The following IQSEC1 variants were observed in gnomAD, a reference collection of about 807,000 sequenced individuals.
IQSEC1 encodes IQ motif and SEC7 domain-containing protein 1.
IQSEC1 carries 31 observed loss-of-function variants against 91.0 expected under a neutral mutation model. The observed-to-expected ratio is 0.34, with a 90% confidence interval of 0.26 to 0.46. The LOEUF (loss-of-function observed/expected upper bound fraction) is 0.46, where lower values mean the gene tolerates loss of function less well. Among genes scored for constraint, IQSEC1 ranks in the 20% least tolerant of loss-of-function variants. IQSEC1 has a pLI of 1.00. For missense variants in IQSEC1, 1,388 were observed against 1,575.6 expected, an observed-to-expected ratio of 0.88 and a Z score of 2.02; for synonymous variants, 699 against 662.6, an observed-to-expected ratio of 1.05 and a Z score of -0.84.
chr3:13,213,092 C>T (rs139262605), intron 1 of IQSEC1, among the ~76,000 whole-genome samples: 242 of 152,304 alleles, frequency 1.6e-3, no homozygotes, highest in African/African-American at 5.7e-3. Flanking sequence ...GTTGCTCATG[C>T]TTTTCATGTC....
intron 2 of IQSEC1, among the ~76,000 whole-genome samples, chr3:12,939,188 G>C (rs960693357): frequency 6.6e-6 from 1 of 152,232 alleles, no homozygotes; most frequent in Non-Finnish European, 1.5e-5. Context: ...TCAGCGGAGG[G>C]AAGCCGCTGC....
At chr3:12,934,164 G>A (rs772181060) in intron 3 of IQSEC1, among the ~76,000 whole-genome samples, 10 of 152,238 alleles carry the variant, frequency 6.6e-5, no homozygotes, top group Non-Finnish European at 1.5e-4. Flanking sequence ...GTGCAGCAGT[G>A]AGAGCAGCCG....
Position 12,899,995 on chromosome 3 carries a change from A to T in IQSEC1, c.*988T>A. 2 of 985,398 alleles carry T rather than the reference A, an allele frequency of 2.0e-6. No individual in the cohort carries two copies. Among genetic ancestry groups the T allele is most frequent in the Non-Finnish European group, 2.4e-6 (2 of 829,928 alleles). The allele number at this position is 985,398 out of a possible 1,614,324, so 61.0% of individuals were successfully genotyped here. On this transcript the variant is annotated 3_prime_UTR_variant, in exon 14 of 14. Transcript: ENST00000613206. ...ACATGGATCATGGAGAGTCACAGTT[A>T]TCGCAGCCATTAAAGTGTCTAAGAA...
chr3:13,070,166 C>T (rs1001200301), intron 1 of IQSEC1, among the ~76,000 whole-genome samples: 10 of 152,182 alleles, frequency 6.6e-5, no homozygotes, highest in African/African-American at 2.4e-4. Context: ...TGCACAGGGC[C>T]GCTGGAGCAA....
chr3:12,982,529 G>T (rs1559697047), intron 1 of IQSEC1, among the ~76,000 whole-genome samples: 3 of 152,216 alleles, frequency 2.0e-5, no homozygotes. Flanking sequence ...ACCACACTTT[G>T]AGAAACATTG....
intron 1 of IQSEC1, among the ~76,000 whole-genome samples, chr3:12,984,815 ATTTTT>A (rs767194681): frequency 1.2e-4 from 12 of 102,230 alleles, no homozygotes; most frequent in African/African-American, 4.1e-4. Flanking sequence ...AAGCAATTAC[ATTTTT>A]TTTTTTTTTT....
At chr3:13,072,147 T>A (rs1705453543) in intron 1 of IQSEC1, among the ~76,000 whole-genome samples, 1 of 152,138 alleles carries the variant, frequency 6.6e-6, no homozygotes, top group Non-Finnish European at 1.5e-5. Context: ...CCTCCTAAGG[T>A]CTGAGGTCAC....
At chr3:13,197,847 G>A (rs1423013360) in intron 1 of IQSEC1, among the ~76,000 whole-genome samples, 1 of 152,258 alleles carries the variant, frequency 6.6e-6, no homozygotes, top group African/African-American at 2.4e-5. Flanking sequence ...AGCTAGGTGG[G>A]AGCGAGTCCC....
Position 13,282,540 on chromosome 3 carries a change from G to A in IQSEC1, c.272+171C>T, listed in dbSNP as rs1695814869. ...AGCTCCGGATCTGGGCGGCGACCCC[G>A]CCAGAGAATCCCAGGGAGCCCCTGG... On this transcript the variant is annotated intron_variant, in intron 1 of 15. Coordinates refer to the IQSEC1 transcript ENST00000648114. This position sits in a 1 kb window ranked among gnomAD's most constrained non-coding sequence, Gnocchi z 6.4. Among the ~76,000 whole-genome samples, 1 of 151,830 alleles carries A rather than the reference G, an allele frequency of 6.6e-6. No individual in the cohort carries two copies. The highest frequency in any genetic ancestry group is 2.1e-4 in the South Asian group (1 of 4,822).
rs1056069972 is a variant in IQSEC1, at chr3:12,953,889, A to C, written c.24-12024T>G. ...GGGGGCAAGGCCGCCCCTTCACAGC[A>C]TCACAGTGGAGTCAGTGAGAGTGTT... is the stretch of plus-strand genomic sequence containing the variant. On this transcript the variant is annotated intron_variant, in intron 1 of 13. Coordinates refer to ENST00000613206, the MANE Select transcript of IQSEC1 (RefSeq NM_001134382.3). Among the ~76,000 whole-genome samples, 5 of 152,206 alleles carry C rather than the reference A, an allele frequency of 3.3e-5. No individual in the cohort carries two copies. In the East Asian group the frequency reaches 9.6e-4, roughly 29 times the overall value.
In IQSEC1 at chr3:12,909,971, T is replaced by A. The variant is rs1187453057; in HGVS notation, c.2417-537A>T. 6.6e-6 allele frequency among the ~76,000 whole-genome samples: 1 copy of A among 152,196 alleles called. No homozygotes were observed. Among genetic ancestry groups the A allele is most frequent in the Non-Finnish European group, 1.5e-5 (1 of 68,024 alleles). ...GCATCAGCCACTGGATGTTTGAAGG[T>A]TCTTGGACCAAGTACCAATCCCACC... is the stretch of plus-strand genomic sequence containing the variant. On this transcript the variant is annotated intron_variant, in intron 10 of 13. Coordinates refer to ENST00000613206, the MANE Select transcript of IQSEC1 (RefSeq NM_001134382.3). The surrounding 1 kb of genome is among the most constrained non-coding windows in gnomAD (Gnocchi z 4.9).
rs55824952 is a variant in IQSEC1, at chr3:12,944,166, C to T, written c.24-2301G>A. On this transcript the variant is annotated intron_variant, in intron 1 of 13. Coordinates refer to ENST00000613206, the MANE Select transcript of IQSEC1 (RefSeq NM_001134382.3). ...AAGCCCTCTGAGGAACACCACCCTT[C>T]GAGATTCTCCACATCATGAGAGTCT... Among the ~76,000 whole-genome samples, 489 of 152,320 alleles carry T rather than the reference C, an allele frequency of 3.2e-3. 3 individuals carry two copies. Among genetic ancestry groups the T allele is most frequent in the African/African-American group, 0.011 (463 of 41,552 alleles).
chr3:13,076,688 G>A (rs569147408), upstream of IQSEC1, among the ~76,000 whole-genome samples: 22 of 152,278 alleles, frequency 1.4e-4, no homozygotes, highest in South Asian at 1.0e-3. Flanking sequence ...CTGCAAAGCC[G>A]TCAACACTCT....
chr3:13,124,657 C>G (rs62234163), intron 2 of IQSEC1, among the ~76,000 whole-genome samples: 1 of 152,334 alleles, frequency 6.6e-6, no homozygotes, highest in African/African-American at 2.4e-5. Flanking sequence ...ATGTTAAGAG[C>G]TCAAGAAAGG....
Position 12,941,676 on chromosome 3 carries a change from C to T in IQSEC1, c.213G>A (p.Gln71=), listed in dbSNP as rs1249143645. ...GCTTGCGCAGGATGGAGGTCGAGTG[C>T]TGCAGCTTGGGCCTCCGCGTGCGCT... ...QQQRTRRPKL[Q]HSTSILRKQA... The change falls in exon 2 of 14, where the codon CAG becomes CAA. Residue 71 remains glutamine (Q), a synonymous_variant. Transcript: ENST00000613206. The T allele has an allele frequency of 6.2e-7, 1 of 1,613,034 alleles. No individual in the cohort carries two copies.
At chr3:12,931,791 G>A (rs1697699264) in intron 3 of IQSEC1, among the ~76,000 whole-genome samples, 1 of 152,198 alleles carries the variant, frequency 6.6e-6, no homozygotes, top group South Asian at 2.1e-4. Context: ...GGGGCTGGGC[G>A]CCGAGTGTAG....
chr3:12,940,505 T>C lies in IQSEC1; in HGVS notation c.318+1066A>G, dbSNP rs1698650439. Among the ~76,000 whole-genome samples, 1 of 151,146 alleles carries C rather than the reference T, an allele frequency of 6.6e-6. No individual in the cohort carries two copies. The highest frequency in any genetic ancestry group is 2.1e-4 in the South Asian group (1 of 4,782). On this transcript the variant is annotated intron_variant, in intron 2 of 13. Transcript: ENST00000613206. This position sits in a 1 kb window ranked among gnomAD's most constrained non-coding sequence, Gnocchi z 4.4. ...GCCACAGGATGGGTGTGGGTGGGAG[T>C]GAAGGCCAGGGGCTTCTGCAGCATG...
In IQSEC1 at chr3:13,101,419, C is replaced by CAAAAAAAAAAAAAAAAAAAA. The variant is rs5846799; in HGVS notation, c.303-53898_303-53897insTTTTTTTTTTTTTTTTTTTT. Among the ~76,000 whole-genome samples, 83 of 119,462 alleles carry CAAAAAAAAAAAAAAAAAAAA rather than the reference C, an allele frequency of 6.9e-4. 4 individuals carry two copies. Among genetic ancestry groups the CAAAAAAAAAAAAAAAAAAAA allele is most frequent in the African/African-American group, 2.3e-3 (70 of 30,418 alleles). 78.4% of individuals were successfully genotyped at this position (119,462 alleles called of 152,430 possible). A position where few individuals can be genotyped will look rare whatever the true frequency, so the allele number is the denominator to read the frequency against. On this transcript the variant is annotated intron_variant, in intron 2 of 15. Transcript: ENST00000648114. ...GGGAGACAGGGTGAGATTCCATCTC[C>CAAAAAAAAAAAAAAAAAAAA]AAAAAAAAAAAAAATGCACCCTTCT...
At chr3:13,209,463 T>C (rs1301841178) in intron 1 of IQSEC1, among the ~76,000 whole-genome samples, 3 of 152,252 alleles carry the variant, frequency 2.0e-5, no homozygotes, top group African/African-American at 7.2e-5. Flanking sequence ...CCTCCATGCA[T>C]GCCAGCTTCC....
Sources: allele counts gnomAD v4.1 joint callset (sites outside exome capture counted in the v4.1 genomes callset), GRCh38; gene constraint gnomAD v4.1.1; non-coding constraint Gnocchi (gnomAD v3.1); transcripts MANE v1.5; gene names NCBI Gene and HGNC (gene_info 2026-07-23, HGNC 2026-07-21).